Variants in DGKB observed in about 807,000 individuals in gnomAD.
DGKB encodes diacylglycerol kinase beta.
DGKB carries 67 observed loss-of-function variants against 114.3 expected under a neutral mutation model. That is an observed-to-expected ratio of 0.59 (90% CI 0.48 to 0.72). DGKB has a LOEUF of 0.72. Ranked by LOEUF, DGKB falls within the 30% of genes least tolerant of loss-of-function variation. The pLI is 0.00. For synonymous variants in DGKB, 398 were observed against 323.1 expected (o/e 1.23, Z -2.49); for missense variants, 907 against 975.2 (o/e 0.93, Z 0.93).
chr7:14,281,212 T>A (rs1424014267), intron 23 of DGKB, among the ~76,000 whole-genome samples: 1 of 151,816 alleles, frequency 6.6e-6, no homozygotes, highest in Non-Finnish European at 1.5e-5. Flanking sequence ...GTTGCAATCC[T>A]AGTCTCTGAT....
chr7:14,960,514 T>C (rs1349058511), intron 1 of DGKB, among the ~76,000 whole-genome samples: 1 of 151,970 alleles, frequency 6.6e-6, no homozygotes, highest in East Asian at 1.9e-4. Flanking sequence ...GAAAGTATCA[T>C]CAATAAAGAA....
intron 23 of DGKB, among the ~76,000 whole-genome samples, chr7:14,219,832 T>G (rs1789629036): frequency 6.6e-6 from 1 of 151,782 alleles, no homozygotes; most frequent in African/African-American, 2.4e-5. Context: ...GCATCATATA[T>G]GAGAATCCAT....
intron 23 of DGKB, among the ~76,000 whole-genome samples, chr7:14,201,924 T>A (rs932005667): frequency 6.6e-6 from 1 of 151,996 alleles, no homozygotes; most frequent in African/African-American, 2.4e-5. Flanking sequence ...TTATATTAAG[T>A]ACACTTGAAG....
In DGKB at chr7:14,147,618, A is replaced by G. The variant is rs1781616508; in HGVS notation, c.*1513T>C. 1 of 152,436 alleles carries G rather than the reference A, an allele frequency of 6.6e-6. No homozygotes were observed. The highest frequency in any genetic ancestry group is 2.1e-4 in the South Asian group (1 of 4,836). The allele number at this position is 152,436 out of a possible 1,614,324, so 9.4% of individuals were successfully genotyped here. A position where few individuals can be genotyped will look rare whatever the true frequency, so the allele number is the denominator to read the frequency against. On this transcript the variant is annotated 3_prime_UTR_variant, in exon 26 of 26. Coordinates refer to ENST00000402815, the MANE Select transcript of DGKB (RefSeq NM_001350709.2). ...ATGAATCAATAACAAAATAGAACCGATAAATCATTAGCACTTTAATGCAGA... is the reference window on the plus strand; with the variant it reads ...ATGAATCAATAACAAAATAGAACCGGTAAATCATTAGCACTTTAATGCAGA...
At chr7:14,257,453 C>G (rs1796109800) in intron 23 of DGKB, among the ~76,000 whole-genome samples, 1 of 151,914 alleles carries the variant, frequency 6.6e-6, no homozygotes, top group Non-Finnish European at 1.5e-5. Flanking sequence ...TGGCTGTGTC[C>G]CCACTCAAAT....
chr7:14,758,292 T>C (rs1586269489), intron 2 of DGKB, among the ~76,000 whole-genome samples: 1 of 152,164 alleles, frequency 6.6e-6, no homozygotes, highest in East Asian at 1.9e-4. Flanking sequence ...AAACCTTTCA[T>C]CTTATTAGTT....
intron 17 of DGKB, among the ~76,000 whole-genome samples, chr7:14,603,361 T>A (rs527550778): frequency 6.6e-6 from 1 of 152,228 alleles, no homozygotes; most frequent in East Asian, 1.9e-4. Context: ...TCAATTAAAT[T>A]TTGATGAACA....
chr7:14,561,250 G>A (rs1796615954), intron 20 of DGKB, among the ~76,000 whole-genome samples: 1 of 152,174 alleles, frequency 6.6e-6, no homozygotes, highest in South Asian at 2.1e-4. Context: ...CACCATGTAA[G>A]ATGTGGCTTT....
chr7:14,860,046 A>G (rs982098219), intron 1 of DGKB, among the ~76,000 whole-genome samples: 1 of 152,086 alleles, frequency 6.6e-6, no homozygotes, highest in Non-Finnish European at 1.5e-5. Context: ...CAAAACGACA[A>G]AAAGAAAACA....
chr7:14,928,573 G>A (rs543366525), intron 1 of DGKB, among the ~76,000 whole-genome samples: 1 of 152,088 alleles, frequency 6.6e-6, no homozygotes, highest in Admixed American at 6.6e-5. Flanking sequence ...CAATTTGTCA[G>A]AGAAATTGCT....
In DGKB at chr7:14,841,295, G is replaced by C. The variant is rs1477276907; in HGVS notation, c.-32C>G. On this transcript the variant is annotated 5_prime_UTR_variant, in exon 2 of 26. Coordinates refer to ENST00000402815, the MANE Select transcript of DGKB (RefSeq NM_001350709.2). ...GGTGAGAAGCTCTGTCACATACCAG[G>C]TAAAAGATTCTTTATTCAGGTGTTG... The C allele has an allele frequency of 6.3e-7, 1 of 1,598,566 alleles. No individual in the cohort carries two copies. The highest frequency in any genetic ancestry group is 1.3e-5 in the African/African-American group (1 of 74,582).
At chr7:14,726,119 A>ATTAT (rs994837348) in intron 5 of DGKB, among the ~76,000 whole-genome samples, 6 of 151,898 alleles carry the variant, frequency 4.0e-5, no homozygotes, top group South Asian at 4.1e-4. Flanking sequence ...TTGGAGTTTT[A>ATTAT]TTATTTATTT....
chr7:14,946,683 G>A (rs1050769573), intron 1 of DGKB, among the ~76,000 whole-genome samples: 4 of 151,644 alleles, frequency 2.6e-5, no homozygotes, highest in African/African-American at 9.7e-5. Context: ...TTTTCAAACG[G>A]AATGTGACTT....
chr7:14,672,803 G>A (rs1207972740), intron 13 of DGKB, 126 bp downstream of exon 13: 24 of 486,048 alleles, frequency 4.9e-5, no homozygotes, highest in Middle Eastern at 3.2e-4. Context: ...GAGTAACGAC[G>A]TATTTTAGAT....
At chr7:14,422,830 T>C (rs117263630) in intron 21 of DGKB, among the ~76,000 whole-genome samples, 4,778 of 151,974 alleles carry the variant, frequency 0.031, 113 homozygotes, top group Middle Eastern at 0.065. Context: ...ATAACAACAA[T>C]ACAAAGAATA....
chr7:14,353,737 A>G (rs1334074457), intron 21 of DGKB, among the ~76,000 whole-genome samples: 1 of 152,232 alleles, frequency 6.6e-6, no homozygotes, highest in African/African-American at 2.4e-5. Context: ...AATATTTTTC[A>G]TACAATACTA....
intron 21 of DGKB, among the ~76,000 whole-genome samples, chr7:14,455,753 T>C (rs941836927): frequency 6.6e-6 from 1 of 152,010 alleles, no homozygotes; most frequent in Admixed American, 6.6e-5. Flanking sequence ...AGGAAATAGA[T>C]ATAAGAAAGT....
intron 13 of DGKB, among the ~76,000 whole-genome samples, chr7:14,633,890 T>C (rs1810231510): frequency 6.6e-6 from 1 of 151,532 alleles, no homozygotes; most frequent in Admixed American, 6.6e-5. Context: ...TATCAAAGAA[T>C]TTTTTAAAAT....
At chr7:14,353,790 G>A (rs1813937844) in intron 21 of DGKB, among the ~76,000 whole-genome samples, 1 of 152,082 alleles carries the variant, frequency 6.6e-6, no homozygotes, top group Non-Finnish European at 1.5e-5. Flanking sequence ...AATAAAGGAG[G>A]TAAAGTAGAG....
Sources: gnomAD v4.1 joint callset for allele counts (sites outside exome capture counted in the v4.1 genomes callset) on GRCh38, gnomAD v4.1.1 for gene constraint, MANE v1.5 for transcripts, NCBI Gene and HGNC (gene_info 2026-07-23, HGNC 2026-07-21) for gene names.